Variants in EIF4E observed in about 807,000 individuals in gnomAD.
The protein encoded by EIF4E is eIF-4F 25 kDa subunit.
For synonymous variants in EIF4E, 71 were observed against 88.5 expected (o/e 0.80, Z 1.11); for missense variants, 113 against 265.6 (o/e 0.43, Z 3.99).
In EIF4E at chr4:98,899,855, G is replaced by T. The variant is rs188882634; in HGVS notation, c.125+2021C>A. On this transcript the variant is annotated intron_variant, in intron 2 of 6. Coordinates refer to ENST00000450253, the MANE Select transcript of EIF4E (RefSeq NM_001968.5). The stretch of plus-strand genomic sequence containing the variant: ...GGGGAGTGAAGAAAGTAAAATGCAA[G>T]AAGTAAATAATGAGAAAACTGCCAA... Among the ~76,000 whole-genome samples, 364 of 152,138 alleles carry T rather than the reference G, an allele frequency of 2.4e-3. 2 individuals are homozygous for T. The highest frequency in any genetic ancestry group is 2.5e-3 in the Non-Finnish European group (172 of 67,960).
intron 1 of EIF4E, among the ~76,000 whole-genome samples, chr4:98,915,403 C>A (rs1041577803): frequency 6.6e-6 from 1 of 151,922 alleles, no homozygotes; most frequent in Admixed American, 6.6e-5. Context: ...TCACAATGAT[C>A]TAAATGTTCA....
rs773789119 is a variant in EIF4E, at chr4:98,880,993, G to A, written c.*35C>T. ...AGCTCCCAAATCTCGATTGCTTGAC[G>A]CAGTCTCCTATGAGAATACTCAGAA... On this transcript the variant is annotated 3_prime_UTR_variant, in exon 7 of 7. Transcript: ENST00000450253. 6 of 1,572,638 alleles carry A rather than the reference G, an allele frequency of 3.8e-6. No homozygotes were observed. The highest frequency in any genetic ancestry group is 1.4e-5 in the African/African-American group (1 of 73,448).
At chr4:98,897,252 G>A (rs1724447077) in intron 2 of EIF4E, among the ~76,000 whole-genome samples, 2 of 143,972 alleles carry the variant, frequency 1.4e-5, no homozygotes, top group African/African-American at 5.9e-5. Flanking sequence ...AACTCTCACA[G>A]TACTAATAAT....
chr4:98,919,071 G>T (rs140628984), intron 1 of EIF4E, among the ~76,000 whole-genome samples: 681 of 152,224 alleles, frequency 4.5e-3, no homozygotes, highest in Non-Finnish European at 6.3e-3. Context: ...CACTTTGGGA[G>T]GCTGAGGCAG....
At chr4:98,903,052 G>A (rs976253066) in intron 1 of EIF4E, among the ~76,000 whole-genome samples, 1 of 152,102 alleles carries the variant, frequency 6.6e-6, no homozygotes, top group Non-Finnish European at 1.5e-5. Flanking sequence ...AATTAACACT[G>A]TCATCTAAAA....
At chr4:98,910,858 T>G (rs1725094815) in intron 1 of EIF4E, among the ~76,000 whole-genome samples, 2 of 146,986 alleles carry the variant, frequency 1.4e-5, no homozygotes, top group Admixed American at 1.4e-4. Flanking sequence ...GCTTCACGAG[T>G]AGCTGGGACT....
intron 2 of EIF4E, among the ~76,000 whole-genome samples, chr4:98,899,618 T>G (rs918888308): frequency 6.6e-6 from 1 of 152,144 alleles, no homozygotes; most frequent in African/African-American, 2.4e-5. Context: ...CAGCACTGTG[T>G]GTAAAAAGAA....
chr4:98,923,086 G>A (rs1725719639), intron 1 of EIF4E, among the ~76,000 whole-genome samples: 1 of 151,488 alleles, frequency 6.6e-6, no homozygotes, highest in African/African-American at 2.4e-5. Flanking sequence ...CCCGACCTCA[G>A]GTGATCCGCC....
chr4:98,927,100 A>C (rs148421351), intron 1 of EIF4E, among the ~76,000 whole-genome samples: 1 of 152,332 alleles, frequency 6.6e-6, no homozygotes, highest in African/African-American at 2.4e-5. Flanking sequence ...AAGGGGTTTA[A>C]AATGTATATT....
chr4:98,888,191 T>C (rs1230666672), intron 3 of EIF4E, among the ~76,000 whole-genome samples: 1 of 152,148 alleles, frequency 6.6e-6, no homozygotes, highest in South Asian at 2.1e-4. Flanking sequence ...CTGACAAAAA[T>C]ATATTTTATG....
intron 1 of EIF4E, among the ~76,000 whole-genome samples, chr4:98,922,783 T>C (rs1429129091): frequency 6.6e-6 from 1 of 152,004 alleles, no homozygotes; most frequent in Non-Finnish European, 1.5e-5. Context: ...GTTAGATTTG[T>C]AATGATTCCA....
chr4:98,910,583 G>T (rs560292724), intron 1 of EIF4E, among the ~76,000 whole-genome samples: 2 of 152,204 alleles, frequency 1.3e-5, no homozygotes, highest in East Asian at 3.9e-4. Flanking sequence ...GAATAGAGCT[G>T]ATTAAGTTTG....
chr4:98,923,797 T>C (rs1725754331), intron 1 of EIF4E, among the ~76,000 whole-genome samples: 1 of 152,246 alleles, frequency 6.6e-6, no homozygotes, highest in Non-Finnish European at 1.5e-5. Context: ...GAAAATAGTA[T>C]GTAAATGCAT....
At chr4:98,884,312 A>G (rs1052612676) in intron 6 of EIF4E, among the ~76,000 whole-genome samples, 1 of 152,166 alleles carries the variant, frequency 6.6e-6, no homozygotes, top group African/African-American at 2.4e-5. Context: ...ATACATTCTC[A>G]TTTGTGAATG....
intron 1 of EIF4E, among the ~76,000 whole-genome samples, chr4:98,906,139 C>T (rs571975527): frequency 6.6e-6 from 1 of 152,170 alleles, no homozygotes; most frequent in Non-Finnish European, 1.5e-5. Flanking sequence ...GAGCCTTTCC[C>T]CTCAGAATAC....
chr4:98,924,058 G>A (rs1402286064), intron 1 of EIF4E, among the ~76,000 whole-genome samples: 1 of 151,434 alleles, frequency 6.6e-6, no homozygotes, highest in Non-Finnish European at 1.5e-5. Flanking sequence ...GGTACTAATA[G>A]ATTAAGGAAA....
At position 98,902,001 on chromosome 4, in the gene EIF4E, A is replaced by G; in HGVS notation, c.19-19T>C. On this transcript the variant is annotated intron_variant, in intron 1 of 6. Coordinates refer to ENST00000450253, the MANE Select transcript of EIF4E (RefSeq NM_001968.5). ...TGGTTTCCTAGTGGAAAATAATATAAAACATTATTTTAAATGTCTTAACAC... is the reference window on the plus strand; with the variant it reads ...TGGTTTCCTAGTGGAAAATAATATAGAACATTATTTTAAATGTCTTAACAC... The G allele has an allele frequency of 1.3e-6, 2 of 1,575,790 alleles. No individual in the cohort carries two copies. Among genetic ancestry groups the G allele is most frequent in the South Asian group, 1.1e-5 (1 of 90,272 alleles).
At chr4:98,908,283 T>A (rs930820843) in intron 1 of EIF4E, among the ~76,000 whole-genome samples, 2 of 152,116 alleles carry the variant, frequency 1.3e-5, no homozygotes, top group Non-Finnish European at 2.9e-5. Context: ...CACACCTAAA[T>A]AATTCTGATA....
intron 2 of EIF4E, among the ~76,000 whole-genome samples, chr4:98,892,681 C>CAA (rs72248242): frequency 1.8e-4 from 20 of 114,114 alleles, no homozygotes; most frequent in Admixed American, 3.6e-4. Flanking sequence ...AACTCTGTCT[C>CAA]AAAAAAAAAA....
Sources: allele counts gnomAD v4.1 joint callset (sites outside exome capture counted in the v4.1 genomes callset), GRCh38; gene constraint gnomAD v4.1.1; transcripts MANE v1.5; gene names NCBI Gene and HGNC (gene_info 2026-07-23, HGNC 2026-07-21).